The following BPTF variants were observed in gnomAD, a reference collection of about 807,000 sequenced individuals.
The protein encoded by BPTF is nucleosome-remodeling factor subunit BPTF.
Under a neutral mutation model 292.5 loss-of-function variants are expected in BPTF, and 18 were observed. The observed-to-expected ratio is 0.06, with a 90% confidence interval of 0.04 to 0.09. The LOEUF (loss-of-function observed/expected upper bound fraction) is 0.09. Ranked by LOEUF, BPTF falls within the 10% of genes least tolerant of loss-of-function variation. BPTF has a pLI of 1.00. For missense variants in BPTF, 2,726 were observed against 3,498.7 expected, an observed-to-expected ratio of 0.78 and a Z score of 5.57; for synonymous variants, 1,225 against 1,251.9, an observed-to-expected ratio of 0.98 and a Z score of 0.45.
chr17:67,924,507 C>T (rs745928228), intron 14 of BPTF, 40 bp from the exon 15 acceptor site: 3 of 1,597,468 alleles, frequency 1.9e-6, no homozygotes, highest in Admixed American at 1.8e-5. Context: ...AGATGCCTAA[C>T]AGGCTAGTTT....
rs368616840 is a variant in BPTF, at chr17:67,913,192, G to A, written c.5303+5G>A. On this transcript the variant is annotated splice_donor_5th_base_variant and intron_variant, in intron 11 of 27. Coordinates refer to ENST00000306378, the MANE Select transcript of BPTF (RefSeq NM_182641.4). ...GACCTTTGGCATCACTTGGAGGTATGTACTTTAAAATGTATTTGGGGGAGG... is the reference window on the plus strand; with the variant it reads ...GACCTTTGGCATCACTTGGAGGTATATACTTTAAAATGTATTTGGGGGAGG... 6.4e-7 allele frequency: 1 copy of A among 1,568,158 alleles called. No homozygotes were observed.
chr17:67,881,420 C>T (rs1053498449), intron 4 of BPTF, among the ~76,000 whole-genome samples: 2 of 150,980 alleles, frequency 1.3e-5, no homozygotes, highest in African/African-American at 2.4e-5. Flanking sequence ...GATTGATCAA[C>T]GAGTTTAGGT....
intron 4 of BPTF, chr17:67,875,894 C>T: frequency 6.7e-6 from 4 of 593,078 alleles, no homozygotes; most frequent in Non-Finnish European, 1.0e-5. Context: ...TGTCACCTAA[C>T]ATTTGGAGTT....
chr17:67,967,140 C>CT (rs71142116), intron 26 of BPTF, among the ~76,000 whole-genome samples: 131,051 of 148,714 alleles, frequency 0.88, 59,528 homozygotes, highest in East Asian at 1. Flanking sequence ...ATTGTGCATA[C>CT]TTTTTTTTTC....
rs1216438025 is a variant in BPTF at position 67,866,525 on chromosome 17, C to A, written c.1498C>A (p.Leu500Ile). 1.2e-6 allele frequency: 2 copies of A among 1,614,000 alleles called. No homozygotes were observed. Among genetic ancestry groups the A allele is most frequent in the Non-Finnish European group, 1.7e-6 (2 of 1,179,998 alleles). Residue 500 changes from leucine (L) to isoleucine (I), a missense_variant, in exon 3 of 28, where the codon CTT becomes ATT. Coordinates refer to ENST00000306378, the MANE Select transcript of BPTF (RefSeq NM_182641.4). The part of the protein sequence containing the change: ...KIWYYSTKVQ[L>I]AELIDCLDKD... ...TTGGTATTACAGCACAAAGGTCCAA[C>A]TTGCAGAATTAATTGACTGTCTAGA...
intron 24 of BPTF, among the ~76,000 whole-genome samples, chr17:67,962,590 C>T (rs1555684670): frequency 6.6e-6 from 1 of 152,334 alleles, no homozygotes; most frequent in South Asian, 2.1e-4. Flanking sequence ...GAAGCATCTC[C>T]TTCCACGTTC....
intron 18 of BPTF, among the ~76,000 whole-genome samples, chr17:67,933,706 C>T (rs1280379763): frequency 6.6e-6 from 1 of 152,054 alleles, no homozygotes; most frequent in Non-Finnish European, 1.5e-5. Flanking sequence ...GCATAGTAAG[C>T]CACAATTAAA....
At chr17:67,900,914 C>T (rs896168615) in intron 7 of BPTF, among the ~76,000 whole-genome samples, 38 of 150,128 alleles carry the variant, frequency 2.5e-4, no homozygotes, top group African/African-American at 8.1e-4. Context: ...GAGACTGAGC[C>T]TAGAAGTTGG....
Position 67,959,832 on chromosome 17 carries a change from A to G in BPTF, c.8218A>G (p.Thr2740Ala). The G allele has an allele frequency of 6.2e-7, 1 of 1,613,076 alleles. No individual in the cohort carries two copies. Among genetic ancestry groups the G allele is most frequent in the South Asian group, 1.1e-5 (1 of 90,938 alleles). ...STTSKETKKDTKLYCICKTPY... is the reference protein window; with the variant it reads ...STTSKETKKDAKLYCICKTPY... ...TACCTCAAAGGAAACTAAGAAGGAC[A>G]CAAAGCTTTACTGTATCTGTAAAAC... The change falls in exon 24 of 28, where the codon ACA (threonine) becomes GCA (alanine). Residue 2740 changes from threonine to alanine, a missense_variant. Thr to Ala is a moderately conservative substitution (Grantham distance 58, BLOSUM62 0). This residue lies in a region of BPTF where 148 missense variants were observed against 145.5 expected (regional missense o/e 1.02). Transcript: ENST00000306378.
At chr17:67,884,104 T>C (rs1430485890) in intron 4 of BPTF, among the ~76,000 whole-genome samples, 5 of 151,866 alleles carry the variant, frequency 3.3e-5, no homozygotes, top group Admixed American at 2.6e-4. Context: ...CCAGCTTTTA[T>C]TCAACCAATG....
In BPTF at chr17:67,874,971, C is replaced by T. The variant is rs550634568; in HGVS notation, c.1815C>T (p.Asp605=). ...TTGAAGACCAGTCCCTTGAAAAAGACAGTGACGACAAAACACCAGATGATG... is the reference window on the plus strand; with the variant it reads ...TTGAAGACCAGTCCCTTGAAAAAGATAGTGACGACAAAACACCAGATGATG... The part of the protein sequence containing the change: ...EEFEDQSLEK[D]SDDKTPDDDP... The change falls in exon 4 of 28, where the codon GAC becomes GAT. Residue 605 remains aspartate, a synonymous_variant. Coordinates refer to ENST00000306378, the MANE Select transcript of BPTF (RefSeq NM_182641.4). 3.1e-6 allele frequency: 5 copies of T among 1,613,748 alleles called. No homozygotes were observed. Among genetic ancestry groups the T allele is most frequent in the East Asian group, 4.5e-5 (2 of 44,800 alleles).
chr17:67,923,183 G>A (rs1168679941), intron 14 of BPTF, among the ~76,000 whole-genome samples, 193 bp downstream of exon 14: 1 of 151,398 alleles, frequency 6.6e-6, no homozygotes, highest in Admixed American at 6.6e-5. Context: ...AGCCTCCCCG[G>A]TACCTAGGAC....
intron 3 of BPTF, among the ~76,000 whole-genome samples, chr17:67,871,720 G>A (rs2145648558): frequency 6.6e-6 from 1 of 152,228 alleles, no homozygotes; most frequent in South Asian, 2.1e-4. Flanking sequence ...GATAGAATAT[G>A]CATATTTAGT....
chr17:67,878,519 C>G (rs2060185037), intron 4 of BPTF, among the ~76,000 whole-genome samples: 1 of 152,166 alleles, frequency 6.6e-6, no homozygotes, highest in Non-Finnish European at 1.5e-5. Context: ...TATGAGAGTT[C>G]TAGCTCCTCT....
intron 1 of BPTF, among the ~76,000 whole-genome samples, chr17:67,851,032 A>G (rs749779537): frequency 4.6e-5 from 7 of 152,180 alleles, no homozygotes; most frequent in Non-Finnish European, 5.9e-5. Context: ...AAAGAGGTAT[A>G]TATATTTACA....
At chr17:67,924,029 C>T (rs1301697578) in intron 14 of BPTF, among the ~76,000 whole-genome samples, 1 of 151,504 alleles carries the variant, frequency 6.6e-6, no homozygotes, top group Non-Finnish European at 1.5e-5. Flanking sequence ...GACGGAGTCT[C>T]GCTCTGTCAT....
chr17:67,903,458 C>A (rs2061984318), intron 7 of BPTF, among the ~76,000 whole-genome samples: 6 of 151,972 alleles, frequency 3.9e-5, no homozygotes, highest in Admixed American at 3.9e-4. Flanking sequence ...TGTGTGTGCA[C>A]TAAAAAGTAC....
chr17:67,974,134 A>G (rs1013189699), intron 26 of BPTF: 1 of 152,124 alleles, frequency 6.6e-6, no homozygotes, highest in Non-Finnish European at 1.5e-5. Context: ...TCTACCCTAG[A>G]TTGATTGGAG....
At chr17:67,974,465 C>G (rs561457388) in intron 26 of BPTF, 120 of 152,274 alleles carry the variant, frequency 7.9e-4, no homozygotes, top group African/African-American at 2.8e-3. Flanking sequence ...AATTCTGACA[C>G]TATCTACCTG....
Sources: gnomAD v4.1 joint callset for allele counts (sites outside exome capture counted in the v4.1 genomes callset) on GRCh38, gnomAD v4.1.1 for gene constraint, gnomAD v4.1.1 regional missense constraint, MANE v1.5 for transcripts, NCBI Gene and HGNC (gene_info 2026-07-23, HGNC 2026-07-21) for gene names.